The following EXOC6 variants were observed in gnomAD, a reference collection of about 807,000 sequenced individuals.
The protein encoded by EXOC6 is SEC15-like 1.
A neutral mutation model predicts 112.5 loss-of-function variants in EXOC6; 60 were observed. That is an observed-to-expected ratio of 0.53 (90% confidence interval 0.43 to 0.66). The LOEUF is 0.66. EXOC6 is among the 30% of genes least tolerant of loss of function. The pLI, the probability that EXOC6 is intolerant of heterozygous loss-of-function variation, is 0.00. For synonymous variants in EXOC6, 295 were observed against 308.0 expected, an observed-to-expected ratio of 0.96 and a Z score of 0.44; for missense variants, 855 against 957.1, an observed-to-expected ratio of 0.89 and a Z score of 1.41.
Position 93,007,502 on chromosome 10 carries a change from A to T in EXOC6, c.2096-6692A>T, listed in dbSNP as rs538659885. The stretch of plus-strand genomic sequence containing the variant: ...CCCGTCTCTATTAAAAATACAAAAA[A>T]ATTAGCTGGGTGTGGTGGCACATGC... On this transcript the variant is annotated intron_variant, in intron 19 of 21. Coordinates refer to ENST00000260762, the MANE Select transcript of EXOC6 (RefSeq NM_019053.6). Among the ~76,000 whole-genome samples, 82 of 151,988 alleles carry T rather than the reference A, an allele frequency of 5.4e-4. 1 individual carries two copies. In the South Asian group the frequency reaches 9.6e-3, roughly 18 times the overall value.
chr10:92,979,659 G>A (rs1842758382), intron 18 of EXOC6, among the ~76,000 whole-genome samples: 1 of 152,106 alleles, frequency 6.6e-6, no homozygotes, highest in African/African-American at 2.4e-5. Context: ...GCTGGCTGTG[G>A]TGGCTCACAC....
In EXOC6 at chr10:93,058,248, A is replaced by G; in HGVS notation, c.2308A>G (p.Asn770Asp). 1 of 1,606,772 alleles carries G rather than the reference A, an allele frequency of 6.2e-7. No homozygotes were observed. Among genetic ancestry groups the G allele is most frequent in the South Asian group, 1.1e-5 (1 of 88,856 alleles). The change falls in exon 22 of 22, where the codon AAT becomes GAT. Residue 770 changes from asparagine (N) to aspartate (D), a missense_variant. Physicochemically the swap from Asn to Asp is conservative, Grantham distance 23 (BLOSUM62 1). Transcript: ENST00000260762. ...GATGAAGGATACTAGCAAAAAGAAC[A>G]ATATATTTGCTCAGTTCAGGAAGAA... ...EKMKDTSKKN[N>D]IFAQFRKNDR...
At chr10:92,844,581 AG>A (rs1368195069), upstream of EXOC6, among the ~76,000 whole-genome samples, 1 of 152,066 alleles carries the variant, frequency 6.6e-6, no homozygotes. Flanking sequence ...ATACACAATC[AG>A]GTTTTTTTTT....
At chr10:92,880,742 G>T (rs961495611) in intron 1 of EXOC6, among the ~76,000 whole-genome samples, 3 of 152,150 alleles carry the variant, frequency 2.0e-5, no homozygotes, top group African/African-American at 7.2e-5. Context: ...GTCTTGAGCT[G>T]AAATTTGAAG....
intron 4 of EXOC6, among the ~76,000 whole-genome samples, chr10:92,899,178 G>T (rs1429919263): frequency 6.6e-6 from 1 of 151,842 alleles, no homozygotes; most frequent in African/African-American, 2.4e-5. Flanking sequence ...TATTTTATTT[G>T]GTATGTTGAG....
intron 14 of EXOC6, 81 bp downstream of exon 14, chr10:92,948,460 C>T (rs2133996533): frequency 1.2e-6 from 1 of 814,570 alleles, no homozygotes; most frequent in East Asian, 2.9e-5. Context: ...AAATATTAAG[C>T]TGAGACTGTA....
intron 12 of EXOC6, among the ~76,000 whole-genome samples, chr10:92,939,871 CTG>C (rs1589870277): frequency 6.6e-6 from 1 of 152,136 alleles, no homozygotes; most frequent in East Asian, 1.9e-4. Context: ...AGGAGATAGT[CTG>C]TGACATTGTT....
At chr10:92,829,925 A>G (rs975110678), upstream of EXOC6, among the ~76,000 whole-genome samples, 1 of 152,212 alleles carries the variant, frequency 6.6e-6, no homozygotes, top group Non-Finnish European at 1.5e-5. Flanking sequence ...TACAAATGCC[A>G]TGGCAATGTC....
chr10:93,001,636 G>A (rs927125864), intron 19 of EXOC6, among the ~76,000 whole-genome samples: 2 of 152,114 alleles, frequency 1.3e-5, no homozygotes, highest in Non-Finnish European at 1.5e-5. Context: ...TGGCCCCTAC[G>A]AAGGCACATA....
chr10:92,940,637 C>G, intron 12 of EXOC6, 90 bp from the exon 13 acceptor site: 1 of 798,554 alleles, frequency 1.3e-6, no homozygotes, highest in South Asian at 1.7e-5. Context: ...TCTAGTGATT[C>G]CTTCCAAATG....
At chr10:92,994,820 G>T (rs1488840274) in intron 18 of EXOC6, among the ~76,000 whole-genome samples, 1 of 151,682 alleles carries the variant, frequency 6.6e-6, no homozygotes, top group Non-Finnish European at 1.5e-5. Flanking sequence ...TGTGCCAATG[G>T]CTATAGACAT....
chr10:93,017,263 G>C (rs866963438), intron 20 of EXOC6, among the ~76,000 whole-genome samples: 17 of 152,218 alleles, frequency 1.1e-4, no homozygotes, highest in Middle Eastern at 6.8e-3. Context: ...AGACTCAAAA[G>C]GGGGAGGGTG....
intron 5 of EXOC6, chr10:92,901,836 G>GA (rs112360123): frequency 0.49 from 56,143 of 115,040 alleles, 13,633 homozygotes; most frequent in East Asian, 0.9. Flanking sequence ...CATCTCTACT[G>GA]AAAAAAAAAA....
At chr10:92,974,976 C>G (rs1335967133) in intron 18 of EXOC6, among the ~76,000 whole-genome samples, 1 of 152,168 alleles carries the variant, frequency 6.6e-6, no homozygotes, top group Non-Finnish European at 1.5e-5. Flanking sequence ...GCAGCCTCTG[C>G]CCGGCCGCCA....
intron 14 of EXOC6, among the ~76,000 whole-genome samples, chr10:92,948,872 A>C (rs1246680313): frequency 6.6e-6 from 1 of 152,206 alleles, no homozygotes; most frequent in Non-Finnish European, 1.5e-5. Flanking sequence ...TGATATGTGA[A>C]GGCAATAGCT....
At position 92,870,731 on chromosome 10, in the gene EXOC6, A is replaced by G. The variant is rs544660236; in HGVS notation, c.101+22097A>G. Among the ~76,000 whole-genome samples, 394 of 147,870 alleles carry G rather than the reference A, an allele frequency of 2.7e-3. 1 individual carries two copies. The highest frequency in any genetic ancestry group is 2.8e-3 in the Non-Finnish European group (187 of 67,268). The stretch of plus-strand genomic sequence containing the variant: ...GTGTTATCTTTTTTTTTTTTTTGAG[A>G]TGGAGTCTCGCTCTGTCACCAGGCT... On this transcript the variant is annotated intron_variant, in intron 1 of 21. Transcript: ENST00000260762.
rs775221985 is a variant in EXOC6 at position 92,856,921 on chromosome 10, A to C, written c.101+8287A>C. Among the ~76,000 whole-genome samples the C allele has an allele frequency of 2.5e-4, 38 of 152,188 alleles. 1 individual carries two copies. Among genetic ancestry groups the C allele is most frequent in the Non-Finnish European group, 3.7e-4 (25 of 68,020 alleles). On this transcript the variant is annotated intron_variant, in intron 1 of 21. Coordinates refer to ENST00000260762, the MANE Select transcript of EXOC6 (RefSeq NM_019053.6). ...TGTTTTAAAGTCTGTTATGTCAGAT[A>C]TTAGTATAGCTGCTGCAGCTTTCTT...
intron 20 of EXOC6, among the ~76,000 whole-genome samples, chr10:93,047,221 G>A (rs1813166444): frequency 6.6e-6 from 1 of 152,194 alleles, no homozygotes; most frequent in Non-Finnish European, 1.5e-5. Flanking sequence ...ACTAGGACAG[G>A]CGTAGTAATA....
chr10:92,997,598 ATG>A lies in EXOC6; in HGVS notation c.2080_2081del (p.Val694HisfsTer4). The A allele has an allele frequency of 1.9e-6, 3 of 1,612,048 alleles. No homozygotes were observed. The East Asian group carries it at 6.7e-5, about 36-fold the overall frequency. ...GGAGCTGTTCAGCAGTTTAACTTAG[ATG>A]TCATACAGTGTGAATGTAAGTACTA... On this transcript the variant is annotated frameshift_variant, in exon 19 of 22. Coordinates refer to ENST00000260762, the MANE Select transcript of EXOC6 (RefSeq NM_019053.6). LOFTEE classifies it high-confidence loss of function.
Sources: allele counts gnomAD v4.1 joint callset (sites outside exome capture counted in the v4.1 genomes callset), GRCh38; gene constraint gnomAD v4.1.1; transcripts MANE v1.5; gene names NCBI Gene and HGNC (gene_info 2026-07-23, HGNC 2026-07-21).